The following ZNF385B variants were observed in gnomAD, a reference collection of about 807,000 sequenced individuals.
ZNF385B encodes the protein zinc finger protein 385B.
A neutral mutation model predicts 39.2 loss-of-function variants in ZNF385B; 23 were observed. The observed-to-expected ratio is 0.59, with a 90% confidence interval of 0.42 to 0.83. The LOEUF (loss-of-function observed/expected upper bound fraction) is 0.83, where lower values mean the gene tolerates loss of function less well. ZNF385B is among the 40% of genes least tolerant of loss of function. The pLI, the probability that ZNF385B is intolerant of heterozygous loss-of-function variation, is 0.00. For missense variants in ZNF385B, 552 were observed against 598.9 expected (o/e 0.92, Z 0.82); for synonymous variants, 205 against 222.6 (o/e 0.92, Z 0.70).
intron 3 of ZNF385B, among the ~76,000 whole-genome samples, chr2:179,751,008 G>A (rs62181523): frequency 0.2 from 30,708 of 152,020 alleles, 3,380 homozygotes; most frequent in Admixed American, 0.3. Context: ...AATCTGTCAT[G>A]CAAACCAAAG....
At chr2:179,720,651 C>T (rs1317852314) in intron 3 of ZNF385B, among the ~76,000 whole-genome samples, 1 of 152,002 alleles carries the variant, frequency 6.6e-6, no homozygotes, top group East Asian at 1.9e-4. Flanking sequence ...ATGGACTCAA[C>T]TATTTGGATT....
At chr2:179,681,392 C>A (rs1697501358) in intron 3 of ZNF385B, among the ~76,000 whole-genome samples, 1 of 151,940 alleles carries the variant, frequency 6.6e-6, no homozygotes, top group Non-Finnish European at 1.5e-5. Context: ...TTCTGAAGTT[C>A]TTTAGTTCAT....
At chr2:179,843,393 A>G (rs187740878) in intron 1 of ZNF385B, among the ~76,000 whole-genome samples, 23 of 152,322 alleles carry the variant, frequency 1.5e-4, no homozygotes, top group African/African-American at 5.1e-4. Context: ...CCTTCCTTGA[A>G]TAAGTTTAGA....
chr2:179,728,176 T>C (rs1701144351), intron 3 of ZNF385B, among the ~76,000 whole-genome samples: 2 of 152,078 alleles, frequency 1.3e-5, no homozygotes, highest in South Asian at 4.1e-4. Flanking sequence ...TCAATAATAA[T>C]CTCCATATAA....
intron 5 of ZNF385B, among the ~76,000 whole-genome samples, chr2:179,495,498 G>T (rs1489670992): frequency 6.6e-6 from 1 of 152,182 alleles, no homozygotes; most frequent in African/African-American, 2.4e-5. Context: ...AGTCCCCAGG[G>T]CCTTGCGTAA....
At chr2:179,556,000 G>A (rs1037066104) in intron 3 of ZNF385B, among the ~76,000 whole-genome samples, 11 of 148,842 alleles carry the variant, frequency 7.4e-5, no homozygotes, top group Admixed American at 4.0e-4. Flanking sequence ...CAAAGAAGCC[G>A]CATCAGGAGG....
chr2:179,657,388 T>C (rs1025166775), intron 3 of ZNF385B, among the ~76,000 whole-genome samples: 1 of 152,184 alleles, frequency 6.6e-6, no homozygotes, highest in African/African-American at 2.4e-5. Context: ...TTATGTAACG[T>C]TCCAAAGAAA....
Position 179,745,786 on chromosome 2 carries a change from A to G in ZNF385B, c.298+23717T>C, listed in dbSNP as rs750605879. 7.9e-6 allele frequency: 12 copies of G among 1,523,898 alleles called. No homozygotes were observed. In the South Asian group the frequency reaches 1.5e-4, roughly 19 times the overall value. The allele number at this position is 1,523,898 out of a possible 1,614,324, so 94.4% of individuals were successfully genotyped here. On this transcript the variant is annotated intron_variant, in intron 3 of 9. Transcript: ENST00000410066. Reference sequence around the variant, plus strand: ...CAAGAGCAACCAAGTTGGATAAACAAAACTTCCAGTATGTGACCAGGATAA... The same window carrying G: ...CAAGAGCAACCAAGTTGGATAAACAGAACTTCCAGTATGTGACCAGGATAA...
Position 179,755,195 on chromosome 2 carries a change from T to C in ZNF385B, c.298+14308A>G, listed in dbSNP as rs200211355. Among the ~76,000 whole-genome samples, 75 of 152,340 alleles carry C rather than the reference T, an allele frequency of 4.9e-4. 1 individual carries two copies. In the East Asian group the frequency reaches 0.013, roughly 26 times the overall value. On this transcript the variant is annotated intron_variant, in intron 3 of 9. Coordinates refer to ENST00000410066, the MANE Select transcript of ZNF385B (RefSeq NM_152520.6). ...TGCCTTCATTTCATTATGTACCCAG[T>C]AGTCATTCAGGAGCAGGTTGTTCAG...
intron 3 of ZNF385B, among the ~76,000 whole-genome samples, chr2:179,739,465 T>C (rs938460597): frequency 5.3e-5 from 8 of 152,236 alleles, no homozygotes; most frequent in Non-Finnish European, 1.2e-4. Context: ...GGTTGAACTA[T>C]TTGGGTTTAG....
chr2:179,666,570 C>T (rs1240825224), intron 3 of ZNF385B, among the ~76,000 whole-genome samples: 1 of 152,008 alleles, frequency 6.6e-6, no homozygotes, highest in African/African-American at 2.4e-5. Flanking sequence ...ATCATAGAAT[C>T]TCAATTCTTA....
intron 1 of ZNF385B, among the ~76,000 whole-genome samples, chr2:179,823,708 C>T (rs1354663969): frequency 6.6e-6 from 1 of 152,044 alleles, no homozygotes; most frequent in Non-Finnish European, 1.5e-5. Context: ...CATTCTTAGA[C>T]AACTTTTCTT....
chr2:179,578,671 T>C (rs1160467440), intron 3 of ZNF385B, among the ~76,000 whole-genome samples: 1 of 152,110 alleles, frequency 6.6e-6, no homozygotes, highest in African/African-American at 2.4e-5. Flanking sequence ...CTTCCATCCA[T>C]ACCTAGTGGG....
At chr2:179,711,072 C>T (rs1380843007) in intron 3 of ZNF385B, among the ~76,000 whole-genome samples, 1 of 152,216 alleles carries the variant, frequency 6.6e-6, no homozygotes, top group Admixed American at 6.5e-5. Flanking sequence ...AGAGCAGATA[C>T]AGGTAGTGGG....
At chr2:179,738,432 A>G (rs1012919871) in intron 3 of ZNF385B, among the ~76,000 whole-genome samples, 2 of 152,130 alleles carry the variant, frequency 1.3e-5, no homozygotes, top group African/African-American at 4.8e-5. Context: ...TCCAACCTTC[A>G]TTGTTATAGA....
At chr2:179,758,668 T>A (rs1703189180) in intron 3 of ZNF385B, among the ~76,000 whole-genome samples, 2 of 152,230 alleles carry the variant, frequency 1.3e-5, no homozygotes, top group Non-Finnish European at 2.9e-5. Flanking sequence ...CACTGCTCTG[T>A]GACTGCTAGG....
At chr2:179,647,170 C>CA (rs1315866353) in intron 3 of ZNF385B, among the ~76,000 whole-genome samples, 3 of 152,168 alleles carry the variant, frequency 2.0e-5, no homozygotes, top group Middle Eastern at 3.2e-3. Flanking sequence ...GCCTATGTTC[C>CA]ATAGTTAGCA....
chr2:179,849,117 C>G (rs1708949159), intron 1 of ZNF385B, among the ~76,000 whole-genome samples: 1 of 152,148 alleles, frequency 6.6e-6, no homozygotes, highest in Non-Finnish European at 1.5e-5. Context: ...GGTGTCAGAT[C>G]ACAAAGAATA....
intron 3 of ZNF385B, among the ~76,000 whole-genome samples, chr2:179,557,898 TATA>T (rs1412531677): frequency 6.6e-6 from 1 of 152,092 alleles, no homozygotes; most frequent in African/African-American, 2.4e-5. Flanking sequence ...GAATCTCCAG[TATA>T]ATGCCTCATT....
Sources: allele counts gnomAD v4.1 joint callset (sites outside exome capture counted in the v4.1 genomes callset), GRCh38; gene constraint gnomAD v4.1.1; transcripts MANE v1.5; gene names NCBI Gene and HGNC (gene_info 2026-07-23, HGNC 2026-07-21).